The following PPP1R1C variants were observed in gnomAD, a reference collection of about 807,000 sequenced individuals.
The protein encoded by PPP1R1C is protein phosphatase 1 regulatory inhibitor subunit 1C.
A neutral mutation model predicts 17.4 loss-of-function variants in PPP1R1C; 15 were observed. The ratio of observed to expected loss-of-function variants is 0.86; its 90% CI spans 0.58 to 1.33. PPP1R1C has a LOEUF of 1.33. PPP1R1C is among the 40% of genes most tolerant of loss of function. The probability of loss-of-function intolerance (pLI) is 0.00; values close to 1 mark genes in which losing one functional copy is unlikely to be tolerated. For synonymous variants in PPP1R1C, 35 were observed against 43.1 expected (o/e 0.81, Z 0.73); for missense variants, 143 against 130.0 (o/e 1.10, Z -0.48).
downstream of PPP1R1C, among the ~76,000 whole-genome samples, chr2:182,119,592 A>G (rs1453239519): frequency 1.3e-5 from 2 of 152,038 alleles, no homozygotes; most frequent in African/African-American, 2.4e-5. Flanking sequence ...TTTAATGATC[A>G]CCATTCCAAC....
At chr2:182,075,825 T>A (rs147377198) in intron 4 of PPP1R1C, among the ~76,000 whole-genome samples, 2,517 of 152,240 alleles carry the variant, frequency 0.017, 39 homozygotes, top group Middle Eastern at 0.051. Flanking sequence ...TCCTTTTGGG[T>A]TTCAATTGAT....
At chr2:182,087,300 T>C (rs1466088094) in intron 4 of PPP1R1C, among the ~76,000 whole-genome samples, 1 of 152,208 alleles carries the variant, frequency 6.6e-6, no homozygotes, top group Non-Finnish European at 1.5e-5. Flanking sequence ...GTCTGACCTC[T>C]TGCCTGCCAC....
At chr2:182,115,030 T>C (rs1388665658) in intron 4 of PPP1R1C, among the ~76,000 whole-genome samples, 2 of 152,170 alleles carry the variant, frequency 1.3e-5, no homozygotes, top group Non-Finnish European at 1.5e-5. Context: ...ACCTCTTATT[T>C]AAAGAACATT....
intron 4 of PPP1R1C, among the ~76,000 whole-genome samples, chr2:182,072,885 C>G (rs1389318932): frequency 6.6e-6 from 1 of 152,198 alleles, no homozygotes; most frequent in Non-Finnish European, 1.5e-5. Flanking sequence ...CAGCTGACCA[C>G]ACAAATCTGA....
Position 181,986,136 on chromosome 2 carries a change from TAC to T in PPP1R1C, c.28_29del (p.Gln10ValfsTer13), listed in dbSNP as rs1440322945. Reference sequence around the variant, plus strand: ...ATGGAGCCCAACAGTCCCAAAAAGATACAGTTTGCCGTGCCTGTATTCCAGAG... The same window carrying T: ...ATGGAGCCCAACAGTCCCAAAAAGATAGTTTGCCGTGCCTGTATTCCAGAG... On this transcript the variant is annotated frameshift_variant, in exon 1 of 5. Coordinates refer to ENST00000682840, the MANE Select transcript of PPP1R1C (RefSeq NM_001080545.3). LOFTEE classifies it high-confidence loss of function. 5 of 1,613,802 alleles carry T rather than the reference TAC, an allele frequency of 3.1e-6. No homozygotes were observed. Among genetic ancestry groups the T allele is most frequent in the South Asian group, 1.1e-5 (1 of 91,074 alleles).
chr2:182,082,470 G>T (rs1688509104), intron 4 of PPP1R1C, among the ~76,000 whole-genome samples: 1 of 152,072 alleles, frequency 6.6e-6, no homozygotes, highest in Non-Finnish European at 1.5e-5. Flanking sequence ...AAGGTCAAAC[G>T]GACAAGGTTT....
intron 2 of PPP1R1C, among the ~76,000 whole-genome samples, chr2:181,991,718 C>T (rs2125142959): frequency 6.6e-6 from 1 of 152,232 alleles, no homozygotes; most frequent in East Asian, 1.9e-4. Flanking sequence ...TAGCAAACTG[C>T]CTCTCTGTAT....
intron 1 of PPP1R1C, among the ~76,000 whole-genome samples, chr2:181,958,029 C>T (rs1018934574): frequency 3.9e-5 from 6 of 152,118 alleles, no homozygotes; most frequent in African/African-American, 9.7e-5. Context: ...AAGCTACACC[C>T]GTGTGATAAC....
intron 4 of PPP1R1C, among the ~76,000 whole-genome samples, chr2:182,081,653 T>C (rs1197516091): frequency 2.6e-5 from 4 of 152,096 alleles, no homozygotes; most frequent in African/African-American, 9.7e-5. Context: ...TTCGATAACT[T>C]CTGGATGCAT....
At chr2:181,966,933 G>A (rs1156348911) in intron 1 of PPP1R1C, among the ~76,000 whole-genome samples, 1 of 152,030 alleles carries the variant, frequency 6.6e-6, no homozygotes, top group African/African-American at 2.4e-5. Context: ...AGCCATGGGG[G>A]GTGCTTGGCT....
At chr2:182,005,519 A>G (rs965902549) in intron 2 of PPP1R1C, among the ~76,000 whole-genome samples, 1 of 152,232 alleles carries the variant, frequency 6.6e-6, no homozygotes, top group Non-Finnish European at 1.5e-5. Flanking sequence ...GAAAGTGAGC[A>G]TGTGTGACTG....
intron 2 of PPP1R1C, among the ~76,000 whole-genome samples, chr2:182,042,621 A>C (rs1247612258): frequency 1.3e-5 from 2 of 152,164 alleles, no homozygotes; most frequent in Non-Finnish European, 2.9e-5. Flanking sequence ...TGCCCTAGGG[A>C]GAAAGAGGAA....
In PPP1R1C at chr2:181,962,494, G is replaced by T; in HGVS notation, n.111+7860G>T. On this transcript the variant is annotated intron_variant and non_coding_transcript_variant, in intron 1 of 5. Coordinates refer to the PPP1R1C transcript ENST00000464264. This position sits in a 1 kb window ranked among gnomAD's most constrained non-coding sequence, Gnocchi z 6.0. ...TGAAGCTCATGCTATCCAGGGAGGA[G>T]AGTGAGAGGACAGGACTCAGGCTTT... The T allele has an allele frequency of 1.5e-6, 1 of 681,484 alleles. No homozygotes were observed. Among genetic ancestry groups the T allele is most frequent in the South Asian group, 1.5e-5 (1 of 67,488 alleles). 42.2% of individuals were successfully genotyped at this position (681,484 alleles called of 1,614,324 possible).
chr2:182,100,203 T>C (rs772119888), intron 4 of PPP1R1C, among the ~76,000 whole-genome samples: 1 of 151,976 alleles, frequency 6.6e-6, no homozygotes, highest in Non-Finnish European at 1.5e-5. Flanking sequence ...CAAAAGGAGA[T>C]TCCAGGGAAG....
At chr2:182,105,018 G>A (rs1229943698) in intron 4 of PPP1R1C, among the ~76,000 whole-genome samples, 2 of 152,050 alleles carry the variant, frequency 1.3e-5, no homozygotes, top group East Asian at 3.9e-4. Context: ...AAAGAGAGTG[G>A]CTAAAATTTT....
At chr2:182,018,912 T>C (rs1313080219) in intron 2 of PPP1R1C, among the ~76,000 whole-genome samples, 1 of 152,182 alleles carries the variant, frequency 6.6e-6, no homozygotes, top group Non-Finnish European at 1.5e-5. Context: ...AGCAGGAGTC[T>C]TAAGTATGGA....
At chr2:182,001,245 G>T (rs1052744098) in intron 2 of PPP1R1C, among the ~76,000 whole-genome samples, 4 of 152,180 alleles carry the variant, frequency 2.6e-5, no homozygotes, top group African/African-American at 9.7e-5. Flanking sequence ...CATGCTTTGA[G>T]ATAGGCATCA....
chr2:181,981,130 G>A (rs962618622), upstream of PPP1R1C, among the ~76,000 whole-genome samples: 3 of 151,714 alleles, frequency 2.0e-5, no homozygotes, highest in South Asian at 2.1e-4. Flanking sequence ...GGGTTTCACC[G>A]TTTTAGCCGG....
intron 2 of PPP1R1C, among the ~76,000 whole-genome samples, chr2:182,012,054 A>G (rs1362082687): frequency 6.6e-6 from 1 of 152,068 alleles, no homozygotes; most frequent in East Asian, 1.9e-4. Context: ...CTCCTTGATA[A>G]TGAGCTACCT....
Sources: allele counts gnomAD v4.1 joint callset (sites outside exome capture counted in the v4.1 genomes callset), GRCh38; gene constraint gnomAD v4.1.1; non-coding constraint Gnocchi (gnomAD v3.1); transcripts MANE v1.5; gene names NCBI Gene and HGNC (gene_info 2026-07-23, HGNC 2026-07-21).